The following RELN variants were observed in gnomAD, a reference collection of about 807,000 sequenced individuals.
RELN encodes reelin.
RELN carries 108 observed loss-of-function variants against 427.6 expected under a neutral mutation model. The observed-to-expected ratio is 0.25, with a 90% confidence interval of 0.22 to 0.30. The LOEUF (loss-of-function observed/expected upper bound fraction) is 0.30, where lower values mean the gene tolerates loss of function less well. RELN is among the 10% of genes least tolerant of loss of function. The pLI, the probability that RELN is intolerant of heterozygous loss-of-function variation, is 1.00. For synonymous variants in RELN, 1,524 were observed against 1,513.4 expected (o/e 1.01, Z -0.16); for missense variants, 3,715 against 4,302.8 (o/e 0.86, Z 3.82).
chr7:103,960,794 C>T (rs1284441383), intron 1 of RELN, among the ~76,000 whole-genome samples: 2 of 152,194 alleles, frequency 1.3e-5, no homozygotes, highest in African/African-American at 4.8e-5. Context: ...CTCTGTCCCC[C>T]ACAATCCTTC....
intron 1 of RELN, among the ~76,000 whole-genome samples, chr7:103,955,887 T>C (rs1241411290): frequency 1.3e-5 from 2 of 152,164 alleles, no homozygotes; most frequent in Non-Finnish European, 2.9e-5. Flanking sequence ...GAAGCCTTGA[T>C]TCAGACATTA....
chr7:103,724,951 T>C (rs1385390560), intron 7 of RELN, among the ~76,000 whole-genome samples: 2 of 152,062 alleles, frequency 1.3e-5, no homozygotes, highest in African/African-American at 4.8e-5. Flanking sequence ...TGAGTTCAAA[T>C]ATGAGTTATT....
intron 19 of RELN, among the ~76,000 whole-genome samples, chr7:103,632,703 G>A (rs1176120005): frequency 6.6e-6 from 1 of 152,056 alleles, no homozygotes; most frequent in Non-Finnish European, 1.5e-5. Context: ...TTGTTTGTAG[G>A]TCCTAACCTC....
chr7:103,958,014 C>G (rs76673246), intron 1 of RELN, among the ~76,000 whole-genome samples: 13,112 of 152,146 alleles, frequency 0.086, 612 homozygotes, highest in Middle Eastern at 0.13. Flanking sequence ...TGGCAGACCC[C>G]ACCTCTCTCA....
At chr7:103,520,666 AT>A (rs1829678457) in intron 48 of RELN, among the ~76,000 whole-genome samples, 1 of 152,212 alleles carries the variant, frequency 6.6e-6, no homozygotes, top group Non-Finnish European at 1.5e-5. Flanking sequence ...AATGTTTTAA[AT>A]TCACACTTTA....
intron 8 of RELN, among the ~76,000 whole-genome samples, chr7:103,707,414 G>T (rs1834228103): frequency 6.6e-6 from 1 of 152,006 alleles, no homozygotes; most frequent in Non-Finnish European, 1.5e-5. Flanking sequence ...ATATAATACT[G>T]CAATCATAAA....
chr7:103,843,958 T>C (rs1353749431), intron 2 of RELN, among the ~76,000 whole-genome samples: 2 of 152,166 alleles, frequency 1.3e-5, no homozygotes, highest in African/African-American at 4.8e-5. Flanking sequence ...CACTTCGCAC[T>C]GCCTGCCCCC....
At chr7:103,735,825 A>G (rs620243) in intron 6 of RELN, among the ~76,000 whole-genome samples, 78,506 of 151,980 alleles carry the variant, frequency 0.52, 20,444 homozygotes, top group African/African-American at 0.55. Context: ...TGAAGGAGTC[A>G]GTGTCTGACG....
intron 1 of RELN, among the ~76,000 whole-genome samples, chr7:103,960,610 C>G (rs946370665): frequency 2.0e-5 from 3 of 152,118 alleles, no homozygotes; most frequent in African/African-American, 7.2e-5. Context: ...GGATAGAATT[C>G]TCTTTAAATC....
intron 57 of RELN, among the ~76,000 whole-genome samples, chr7:103,492,747 A>G: frequency 6.6e-6 from 1 of 152,214 alleles, no homozygotes; most frequent in Non-Finnish European, 1.5e-5. Context: ...TGGTGCTTCA[A>G]AGGAGATAGT....
In RELN at chr7:103,872,935, T is replaced by G. The variant is rs546271042; in HGVS notation, c.338-39263A>C. Among the ~76,000 whole-genome samples, 213 of 152,022 alleles carry G rather than the reference T, an allele frequency of 1.4e-3. 1 individual carries two copies. Among genetic ancestry groups the G allele is most frequent in the African/African-American group, 4.9e-3 (204 of 41,494 alleles). The stretch of plus-strand genomic sequence containing the variant: ...TGTTTGTTTTTTTTTGTAAATTTGT[T>G]TGAGTTCATTGTAGATTCTGGATAT... On this transcript the variant is annotated intron_variant, in intron 2 of 64. Coordinates refer to ENST00000428762, the MANE Select transcript of RELN (RefSeq NM_005045.4).
At chr7:103,650,108 C>A (rs947525003) in intron 16 of RELN, among the ~76,000 whole-genome samples, 166 bp downstream of exon 16, 1 of 147,436 alleles carries the variant, frequency 6.8e-6, no homozygotes. Flanking sequence ...TTCCTGATTG[C>A]ACATCCCTAG....
chr7:103,480,026 C>T (rs1156251238), intron 63 of RELN, among the ~76,000 whole-genome samples: 1 of 152,154 alleles, frequency 6.6e-6, no homozygotes, highest in Non-Finnish European at 1.5e-5. Flanking sequence ...CCATTAGTTG[C>T]AAAAACATAT....
At chr7:103,701,568 T>C (rs963250068) in intron 8 of RELN, among the ~76,000 whole-genome samples, 3 of 152,154 alleles carry the variant, frequency 2.0e-5, no homozygotes, top group African/African-American at 7.2e-5. Context: ...ATTTAAAATA[T>C]AGATTATATC....
chr7:103,672,071 T>C (rs533533402), intron 11 of RELN, among the ~76,000 whole-genome samples: 1 of 152,274 alleles, frequency 6.6e-6, no homozygotes, highest in Non-Finnish European at 1.5e-5. Flanking sequence ...GGGGATAATT[T>C]GTGGAAAATA....
intron 5 of RELN, among the ~76,000 whole-genome samples, chr7:103,750,331 C>T (rs1330606442): frequency 2.0e-5 from 3 of 152,154 alleles, no homozygotes; most frequent in African/African-American, 7.2e-5. Flanking sequence ...GCACTTCTTG[C>T]TGCCACCATG....
chr7:103,952,591 T>A (rs1796356018), intron 1 of RELN, among the ~76,000 whole-genome samples: 1 of 151,892 alleles, frequency 6.6e-6, no homozygotes, highest in Non-Finnish European at 1.5e-5. Context: ...AACTTGACAC[T>A]AAAAGAAAAT....
At chr7:103,726,249 A>G (rs1170030905) in intron 7 of RELN, among the ~76,000 whole-genome samples, 3 of 152,222 alleles carry the variant, frequency 2.0e-5, no homozygotes, top group African/African-American at 7.2e-5. Flanking sequence ...AGGAACACCA[A>G]TACAGTATAA....
intron 53 of RELN, among the ~76,000 whole-genome samples, chr7:103,499,725 G>T (rs774546876): frequency 1.3e-5 from 2 of 152,156 alleles, no homozygotes; most frequent in Admixed American, 1.3e-4. Flanking sequence ...AGTGTTAGAA[G>T]AAATGCATGG....
Sources: allele counts gnomAD v4.1 joint callset (sites outside exome capture counted in the v4.1 genomes callset), GRCh38; gene constraint gnomAD v4.1.1; transcripts MANE v1.5; gene names NCBI Gene and HGNC (gene_info 2026-07-23, HGNC 2026-07-21).